ADAM12: variants seen among roughly 807,000 people sequenced by gnomAD.
ADAM12 encodes the protein disintegrin and metalloproteinase domain-containing protein 12.
A neutral mutation model predicts 106.4 loss-of-function variants in ADAM12; 70 were observed. The observed-to-expected ratio is 0.66, with a 90% CI of 0.54 to 0.80. ADAM12 has a LOEUF of 0.80. Ranked by LOEUF, ADAM12 falls within the 30% of genes least tolerant of loss-of-function variation. ADAM12 has a pLI of 0.00. For missense variants in ADAM12, 1,010 were observed against 1,171.9 expected (o/e 0.86, Z 2.02); for synonymous variants, 420 against 433.5 (o/e 0.97, Z 0.39).
At chr10:126,095,716 C>A (rs1041717732) in intron 10 of ADAM12, among the ~76,000 whole-genome samples, 12 of 151,792 alleles carry the variant, frequency 7.9e-5, no homozygotes, top group Non-Finnish European at 1.8e-4. Context: ...GCCATGTGAT[C>A]CCCCGCACTG....
intron 1 of ADAM12, among the ~76,000 whole-genome samples, chr10:126,380,141 T>C (rs1856439226): frequency 6.6e-6 from 1 of 152,184 alleles, no homozygotes; most frequent in African/African-American, 2.4e-5. Flanking sequence ...ATTACTCGGC[T>C]TTTCCATCCC....
chr10:126,186,518 A>G (rs1590583572), intron 3 of ADAM12, among the ~76,000 whole-genome samples: 1 of 152,226 alleles, frequency 6.6e-6, no homozygotes, highest in Admixed American at 6.5e-5. Context: ...ATTCACTTGA[A>G]CAAAGGTCAT....
intron 3 of ADAM12, among the ~76,000 whole-genome samples, chr10:126,177,933 A>G (rs1229537647): frequency 1.3e-5 from 2 of 152,220 alleles, no homozygotes; most frequent in Non-Finnish European, 2.9e-5. Context: ...ATCTTTGTTC[A>G]GCTTCATTAG....
chr10:126,067,749 C>T (rs1048549084), intron 12 of ADAM12, among the ~76,000 whole-genome samples: 1 of 152,086 alleles, frequency 6.6e-6, no homozygotes, highest in Non-Finnish European at 1.5e-5. Context: ...AGTAATTTAT[C>T]AATGTTCTTT....
intron 1 of ADAM12, among the ~76,000 whole-genome samples, chr10:126,365,249 T>C (rs12766426): frequency 0.28 from 41,976 of 152,158 alleles, 5,978 homozygotes; most frequent in Middle Eastern, 0.33. Flanking sequence ...TGCCATCGTT[T>C]ACTTCTGAAC....
intron 1 of ADAM12, among the ~76,000 whole-genome samples, chr10:126,377,011 G>A (rs1856318236): frequency 6.6e-6 from 1 of 152,198 alleles, no homozygotes; most frequent in Admixed American, 6.5e-5. Flanking sequence ...TTTGTTCAAG[G>A]TTTGGGGTGA....
At chr10:126,302,068 C>A (rs934208743) in intron 2 of ADAM12, among the ~76,000 whole-genome samples, 2 of 152,170 alleles carry the variant, frequency 1.3e-5, no homozygotes, top group Non-Finnish European at 2.9e-5. Flanking sequence ...GAGAAACAAT[C>A]TTTAGTGTGT....
At chr10:126,299,840 C>T (rs182522027) in intron 2 of ADAM12, among the ~76,000 whole-genome samples, 2 of 152,118 alleles carry the variant, frequency 1.3e-5, no homozygotes, top group East Asian at 1.9e-4. Context: ...GACGGGGTTT[C>T]GCCATGTTGG....
chr10:126,073,223 G>A (rs1184391341), intron 11 of ADAM12, among the ~76,000 whole-genome samples: 1 of 152,030 alleles, frequency 6.6e-6, no homozygotes, highest in Non-Finnish European at 1.5e-5. Context: ...CAAGTAGCTG[G>A]GATTACAGGC....
intron 3 of ADAM12, among the ~76,000 whole-genome samples, chr10:126,271,516 T>C (rs1188182474): frequency 6.6e-6 from 1 of 152,222 alleles, no homozygotes; most frequent in Non-Finnish European, 1.5e-5. Context: ...CAGTAGCTCA[T>C]GCCTTTGGGA....
intron 11 of ADAM12, among the ~76,000 whole-genome samples, chr10:126,093,689 T>C (rs1291091705): frequency 6.6e-6 from 1 of 152,182 alleles, no homozygotes; most frequent in African/African-American, 2.4e-5. Context: ...TAAAAAACAC[T>C]TGCTGGGACA....
intron 1 of ADAM12, among the ~76,000 whole-genome samples, chr10:126,332,513 CATT>C (rs1375791829): frequency 6.6e-6 from 1 of 152,130 alleles, no homozygotes; most frequent in Non-Finnish European, 1.5e-5. Context: ...GTCAATCAAA[CATT>C]ATTTCAAAGT....
rs535821928 is a variant in ADAM12, at chr10:126,196,093, C to T, written c.261-40788G>A. 3.9e-5 allele frequency among the ~76,000 whole-genome samples: 6 copies of T among 152,310 alleles called. No homozygotes were observed. The South Asian group carries it at 1.2e-3, about 32-fold the overall frequency. ...AAGAGTGGGGTAACTGCAACAGAGACTGCATGGTCTGCAAAGTCTGAGATG... is the reference window on the plus strand; with the variant it reads ...AAGAGTGGGGTAACTGCAACAGAGATTGCATGGTCTGCAAAGTCTGAGATG... On this transcript the variant is annotated intron_variant, in intron 3 of 22. Transcript: ENST00000448723.
Position 126,375,650 on chromosome 10 carries a change from A to C in ADAM12, c.88+12408T>G, listed in dbSNP as rs75712655. Reference sequence around the variant, plus strand: ...ATAATCCTACAACAATAGAAGAAAGAAAAGAAAGGTGTAAAGATAGCAAAA... The same window carrying C: ...ATAATCCTACAACAATAGAAGAAAGCAAAGAAAGGTGTAAAGATAGCAAAA... On this transcript the variant is annotated intron_variant, in intron 1 of 22. Coordinates refer to ENST00000448723, the MANE Select transcript of ADAM12 (RefSeq NM_001288973.2). 8.2e-3 allele frequency among the ~76,000 whole-genome samples: 1,247 copies of C among 152,020 alleles called. 22 individuals are homozygous for C. Among genetic ancestry groups the C allele is most frequent in the African/African-American group, 0.029 (1,185 of 41,492 alleles).
intron 1 of ADAM12, among the ~76,000 whole-genome samples, chr10:126,373,320 C>T (rs763383891): frequency 3.9e-5 from 6 of 152,146 alleles, no homozygotes; most frequent in African/African-American, 1.2e-4. Flanking sequence ...ATTTTGCCTC[C>T]GCCAGAGGGA....
chr10:126,348,560 C>T lies in ADAM12; in HGVS notation c.89-18051G>A, dbSNP rs1269068344. On this transcript the variant is annotated intron_variant, in intron 1 of 22. Transcript: ENST00000448723. ...ATGCATATGAGGAGAAAAAAGTATT[C>T]AACCGAGCCCAATCAGAAGTGCAGT... Among the ~76,000 whole-genome samples the T allele has an allele frequency of 2.6e-5, 4 of 152,160 alleles. No homozygotes were observed. The East Asian group carries it at 7.7e-4, about 29-fold the overall frequency.
At chr10:126,226,215 G>A (rs528123149) in intron 3 of ADAM12, among the ~76,000 whole-genome samples, 2 of 144,310 alleles carry the variant, frequency 1.4e-5, no homozygotes, top group South Asian at 4.4e-4. Context: ...GGGGAGTGGG[G>A]TGGGAGTGCT....
At chr10:126,270,320 G>A (rs942156747) in intron 3 of ADAM12, among the ~76,000 whole-genome samples, 3 of 152,158 alleles carry the variant, frequency 2.0e-5, no homozygotes, top group Admixed American at 1.3e-4. Context: ...CTGTAGGAAA[G>A]AACATTCCTG....
intron 3 of ADAM12, among the ~76,000 whole-genome samples, chr10:126,235,826 G>A (rs1485867732): frequency 1.3e-5 from 2 of 152,190 alleles, no homozygotes; most frequent in Non-Finnish European, 1.5e-5. Context: ...GGGCCAAATC[G>A]CAGGGCCTGG....
Sources: allele counts gnomAD v4.1 joint callset (sites outside exome capture counted in the v4.1 genomes callset), GRCh38; gene constraint gnomAD v4.1.1; transcripts MANE v1.5; gene names NCBI Gene and HGNC (gene_info 2026-07-23, HGNC 2026-07-21).